The following AGTRAP variants were observed in gnomAD, a reference collection of about 807,000 sequenced individuals.
AGTRAP encodes angiotensin II receptor associated protein.
Under a neutral mutation model 15.2 loss-of-function variants are expected in AGTRAP, and 7 were observed. The ratio of observed to expected loss-of-function variants is 0.46; its 90% CI spans 0.26 to 0.87. The LOEUF (loss-of-function observed/expected upper bound fraction) is 0.87. Ranked by LOEUF, AGTRAP falls within the 40% of genes least tolerant of loss-of-function variation. The probability of loss-of-function intolerance (pLI) is 0.15; values close to 1 mark genes in which losing one functional copy is unlikely to be tolerated. For synonymous variants in AGTRAP, 74 were observed against 89.6 expected, an observed-to-expected ratio of 0.83 and a Z score of 0.98; for missense variants, 187 against 213.4, an observed-to-expected ratio of 0.88 and a Z score of 0.77.
In AGTRAP at chr1:11,748,580, G is replaced by C. The variant is rs756013293; in HGVS notation, c.334G>C (p.Glu112Gln). ...SCCFVYHMYR[E>Q]RGGELLVHTG... ...CTGCTTCGTCTACCACATGTACCGG[G>C]AGCGCGGGGGTGAGCTCCTGGTCCA... The change falls in exon 4 of 5, where the codon GAG becomes CAG. Residue 112 changes from glutamate to glutamine, a missense_variant. By Grantham distance (29) the Glu-to-Gln change is conservative. Transcript: ENST00000314340. 15 of 1,609,772 alleles carry C rather than the reference G, an allele frequency of 9.3e-6. No individual in the cohort carries two copies. The highest frequency in any genetic ancestry group is 5.5e-5 in the South Asian group (5 of 91,074).
rs1325407894 is a variant in AGTRAP, at chr1:11,736,154, C to T, written c.-55C>T. 1 of 1,572,240 alleles carries T rather than the reference C, an allele frequency of 6.4e-7. No individual in the cohort carries two copies. The highest frequency in any genetic ancestry group is 1.3e-5 in the African/African-American group (1 of 74,628). ...GCCGGGCAAGTTTGTTCCCCGAGTT[C>T]GGAGCCTAGGAGCCCCCCGCGGCTG... On this transcript the variant is annotated 5_prime_UTR_variant, in exon 1 of 5. Coordinates refer to ENST00000314340, the MANE Select transcript of AGTRAP (RefSeq NM_020350.5).
chr1:11,748,037 A>C (rs540434803), intron 3 of AGTRAP, among the ~76,000 whole-genome samples: 26 of 152,214 alleles, frequency 1.7e-4, no homozygotes, highest in African/African-American at 6.0e-4. Context: ...CGGGCTCTTC[A>C]AGCCGAGGCC....
chr1:11,750,627 G>T lies in AGTRAP; in HGVS notation c.*435G>T. 2.6e-6 allele frequency: 1 copy of T among 381,348 alleles called. No homozygotes were observed. Among genetic ancestry groups the T allele is most frequent in the Non-Finnish European group, 4.8e-6 (1 of 206,962 alleles). 23.6% of individuals were successfully genotyped at this position (381,348 alleles called of 1,614,324 possible). On this transcript the variant is annotated 3_prime_UTR_variant, in exon 5 of 5. Transcript: ENST00000314340. ...CCGAGGAGCAGTCTGGCATGGGAGT[G>T]AGGCCCCGTCCTTCTCACTGCCTGG... is the stretch of plus-strand genomic sequence containing the variant.
chr1:11,744,459 A>C lies in AGTRAP; in HGVS notation c.28-1344A>C, dbSNP rs951183886. The C allele has an allele frequency of 7.2e-6, 5 of 694,884 alleles. No individual in the cohort carries two copies. The East Asian group carries it at 8.3e-5, about 12-fold the overall frequency. The allele number at this position is 694,884 out of a possible 1,614,324, so 43.0% of individuals were successfully genotyped here. ...CTTCCCGAGGCCCTCAGGCCCCCCT[A>C]CCTGTCCCCAGCTACCCTCCCTTTG... On this transcript the variant is annotated intron_variant, in intron 1 of 4. Coordinates refer to ENST00000314340, the MANE Select transcript of AGTRAP (RefSeq NM_020350.5).
rs1557704192 is a variant in AGTRAP at position 11,745,946 on chromosome 1, C to T, written c.62+109C>T. On this transcript the variant is annotated intron_variant, in intron 2 of 4. Coordinates refer to ENST00000314340, the MANE Select transcript of AGTRAP (RefSeq NM_020350.5). The surrounding 1 kb of genome is among the most constrained non-coding windows in gnomAD (Gnocchi z 4.2). ...TTTAACCAGGTCACTTTGGGCCAGA[C>T]AGCTCTGCCTCTCCGGGTCTTGATT... The T allele has an allele frequency of 2.8e-6, 4 of 1,447,874 alleles. No individual in the cohort carries two copies. The highest frequency in any genetic ancestry group is 2.9e-6 in the Non-Finnish European group (3 of 1,029,666). The allele number at this position is 1,447,874 out of a possible 1,614,324, so 89.7% of individuals were successfully genotyped here.
At chr1:11,738,825 A>G (rs532588827) in intron 1 of AGTRAP, among the ~76,000 whole-genome samples, 12 of 152,266 alleles carry the variant, frequency 7.9e-5, no homozygotes, top group African/African-American at 2.9e-4. Context: ...GGCCCCGGCC[A>G]CCCTGGGGGA....
chr1:11,739,276 C>T (rs576743621), intron 1 of AGTRAP, among the ~76,000 whole-genome samples: 1 of 152,266 alleles, frequency 6.6e-6, no homozygotes, highest in East Asian at 1.9e-4. Flanking sequence ...CTGGGCCAGG[C>T]GTGGTGGCTC....
chr1:11,744,518 C>T (rs926595699), intron 1 of AGTRAP: 22 of 715,464 alleles, frequency 3.1e-5, no homozygotes, highest in Non-Finnish European at 4.9e-5. Flanking sequence ...CTGCTTTCCC[C>T]TCTGCCCCCC....
chr1:11,736,353 G>A (rs1333703838), intron 1 of AGTRAP, 118 bp downstream of exon 1: 2 of 1,396,576 alleles, frequency 1.4e-6, no homozygotes, highest in African/African-American at 2.9e-5. Flanking sequence ...AGGGAGGAAG[G>A]GAAGGTACAG....
Position 11,750,272 on chromosome 1 carries a change from G to T in AGTRAP, c.*80G>T. On this transcript the variant is annotated 3_prime_UTR_variant, in exon 5 of 5. Coordinates refer to ENST00000314340, the MANE Select transcript of AGTRAP (RefSeq NM_020350.5). ...CGTTCTAGGGATGCTCCTGACCTCC[G>T]TCTCTTGGACCTAAGATGGAATGTG... 8.4e-7 allele frequency: 1 copy of T among 1,189,572 alleles called. No homozygotes were observed. The highest frequency in any genetic ancestry group is 1.2e-6 in the Non-Finnish European group (1 of 822,922). 73.7% of individuals were successfully genotyped at this position (1,189,572 alleles called of 1,614,324 possible).
In AGTRAP at chr1:11,747,420, T is replaced by G; in HGVS notation, c.63-20T>G. On this transcript the variant is annotated intron_variant, in intron 2 of 4. Coordinates refer to ENST00000314340, the MANE Select transcript of AGTRAP (RefSeq NM_020350.5). ...CGGGGTGGTGGCCTCCTGACGGGAC[T>G]GAGCTACCTCTTCCTACAGGGGCTG... 9 of 1,609,602 alleles carry G rather than the reference T, an allele frequency of 5.6e-6. No homozygotes were observed. The highest frequency in any genetic ancestry group is 2.2e-5 in the South Asian group (2 of 90,978).
In AGTRAP at chr1:11,736,244, G is replaced by C; in HGVS notation, c.27+9G>C. The stretch of plus-strand genomic sequence containing the variant: ...CTGCTGTGAACCTGAAGGTGGCGAC[G>C]GGCTGGGGGGAGGGTCCCCTTTGCG... On this transcript the variant is annotated intron_variant, in intron 1 of 4. Transcript: ENST00000314340. 6.2e-7 allele frequency: 1 copy of C among 1,606,786 alleles called. No homozygotes were observed. The highest frequency in any genetic ancestry group is 8.5e-7 in the Non-Finnish European group (1 of 1,177,298).
At chr1:11,746,780 AC>A (rs1642174533) in intron 2 of AGTRAP, 1 of 158,702 alleles carries the variant, frequency 6.3e-6, no homozygotes, top group Non-Finnish European at 1.4e-5. Context: ...CATGCTAGGT[AC>A]TAGCAAGTGA....
At chr1:11,747,584 C>A in intron 3 of AGTRAP, 39 bp downstream of exon 3, 1 of 1,597,802 alleles carries the variant, frequency 6.3e-7, no homozygotes, top group East Asian at 2.2e-5. Flanking sequence ...GGCGGGGAGC[C>A]GCAGCACAGG....
At chr1:11,737,093 G>C (rs1317162282) in intron 1 of AGTRAP, among the ~76,000 whole-genome samples, 1 of 152,226 alleles carries the variant, frequency 6.6e-6, no homozygotes, top group Non-Finnish European at 1.5e-5. Flanking sequence ...TTAGCTCCCT[G>C]TTGGTGTCTG....
chr1:11,744,355 C>CTAA (rs1428111196), intron 1 of AGTRAP, among the ~76,000 whole-genome samples: 3 of 152,108 alleles, frequency 2.0e-5, no homozygotes, highest in Non-Finnish European at 4.4e-5. Flanking sequence ...TTTTCCTTAC[C>CTAA]ATAAGGCATA....
chr1:11,740,233 C>T (rs1253617996), intron 1 of AGTRAP, among the ~76,000 whole-genome samples: 1 of 152,242 alleles, frequency 6.6e-6, no homozygotes, highest in Non-Finnish European at 1.5e-5. Flanking sequence ...TTTGTCCTGA[C>T]AGTTACTGGC....
chr1:11,747,589 C>T (rs1237725650), intron 3 of AGTRAP, 44 bp downstream of exon 3: 19 of 1,588,930 alleles, frequency 1.2e-5, no homozygotes, highest in Admixed American at 6.7e-5. Context: ...GGAGCCGCAG[C>T]ACAGGGCAAG....
intron 4 of AGTRAP, among the ~76,000 whole-genome samples, chr1:11,749,570 G>A (rs1056163875): frequency 2.6e-5 from 4 of 152,226 alleles, no homozygotes; most frequent in Admixed American, 2.6e-4. Context: ...GGAGCCCTAC[G>A]GCCCTGCCTT....
Sources: allele counts gnomAD v4.1 joint callset (sites outside exome capture counted in the v4.1 genomes callset), GRCh38; gene constraint gnomAD v4.1.1; non-coding constraint Gnocchi (gnomAD v3.1); transcripts MANE v1.5; gene names NCBI Gene and HGNC (gene_info 2026-07-23, HGNC 2026-07-21).